PRKCB: variants seen among roughly 807,000 people sequenced by gnomAD.
PRKCB encodes protein kinase C beta type.
In PRKCB, 13 loss-of-function variants were observed where a neutral mutation model predicts 81.5. The observed-to-expected ratio is 0.16, with a 90% CI of 0.10 to 0.25. PRKCB has a LOEUF of 0.25. Among genes scored for constraint, PRKCB ranks in the 10% least tolerant of loss-of-function variants. PRKCB has a pLI of 1.00. For missense variants in PRKCB, 509 were observed against 875.7 expected (o/e 0.58, Z 5.29); for synonymous variants, 335 against 321.4 (o/e 1.04, Z -0.45).
At chr16:24,213,121 G>A (rs935871934) in intron 16 of PRKCB, among the ~76,000 whole-genome samples, 16 of 151,836 alleles carry the variant, frequency 1.1e-4, no homozygotes, top group Non-Finnish European at 1.6e-4. Flanking sequence ...TGCAACCTCC[G>A]CCTCCCGGGT....
At chr16:24,112,410 G>A (rs902709631) in intron 7 of PRKCB, among the ~76,000 whole-genome samples, 3 of 152,070 alleles carry the variant, frequency 2.0e-5, no homozygotes, top group African/African-American at 7.2e-5. Context: ...GGTGGCACAT[G>A]CCTATAGTCC....
rs140511947 is a variant in PRKCB at position 24,170,206 on chromosome 16, C to G, written c.1240-2064C>G. Among the ~76,000 whole-genome samples, 506 of 152,256 alleles carry G rather than the reference C, an allele frequency of 3.3e-3. 2 individuals carry two copies. Among genetic ancestry groups the G allele is most frequent in the African/African-American group, 0.012 (479 of 41,538 alleles). On this transcript the variant is annotated intron_variant, in intron 10 of 16. Transcript: ENST00000643927. Reference sequence around the variant, plus strand: ...TTGGTTTTGTTCACTGCTCTATCCTCAGCACCCATCTATAACCTGGTACCT... The same window carrying G: ...TTGGTTTTGTTCACTGCTCTATCCTGAGCACCCATCTATAACCTGGTACCT...
At chr16:23,903,272 TG>T (rs1963511158) in intron 2 of PRKCB, among the ~76,000 whole-genome samples, 2 of 151,978 alleles carry the variant, frequency 1.3e-5, no homozygotes, top group Non-Finnish European at 2.9e-5. Context: ...TGTGTGTGTG[TG>T]TGTGTGTGTG....
At chr16:24,209,229 C>T (rs899295503) in intron 16 of PRKCB, among the ~76,000 whole-genome samples, 8 of 152,152 alleles carry the variant, frequency 5.3e-5, no homozygotes, top group African/African-American at 1.9e-4. Context: ...AAAACACGCA[C>T]GGGTCTGCCT....
chr16:24,140,505 A>G (rs1966888171), intron 9 of PRKCB, among the ~76,000 whole-genome samples: 1 of 152,130 alleles, frequency 6.6e-6, no homozygotes, highest in African/African-American at 2.4e-5. Flanking sequence ...TTTCCAAGAT[A>G]GTTTGGCAGG....
At chr16:23,864,262 G>T (rs978849092) in intron 2 of PRKCB, among the ~76,000 whole-genome samples, 1 of 152,156 alleles carries the variant, frequency 6.6e-6, no homozygotes, top group African/African-American at 2.4e-5. Context: ...GCTTATTGCT[G>T]TATTGCTAGA....
At chr16:23,998,844 C>T (rs1038400947) in intron 3 of PRKCB, among the ~76,000 whole-genome samples, 2 of 152,174 alleles carry the variant, frequency 1.3e-5, no homozygotes, top group African/African-American at 4.8e-5. Flanking sequence ...ACCTGGCAGT[C>T]CTTCCTAGAA....
At chr16:24,099,234 T>C (rs1259688142) in intron 7 of PRKCB, 1 of 152,244 alleles carries the variant, frequency 6.6e-6, no homozygotes, top group Admixed American at 6.5e-5. Flanking sequence ...TTATTTCTTT[T>C]CTATAATGGA....
At chr16:24,096,666 AATATATATATATATATAT>A (rs58341820) in intron 7 of PRKCB, among the ~76,000 whole-genome samples, 862 of 32,734 alleles carry the variant, frequency 0.026, 44 homozygotes, top group African/African-American at 0.081. Context: ...AAAAAAAAAA[AATATATATATATATATAT>A]ATATATATAT....
intron 2 of PRKCB, among the ~76,000 whole-genome samples, chr16:23,909,142 G>T (rs578061789): frequency 6.6e-6 from 1 of 152,128 alleles, no homozygotes; most frequent in Admixed American, 6.5e-5. Context: ...TTCATGATTC[G>T]CTTCCTTGTT....
intron 2 of PRKCB, among the ~76,000 whole-genome samples, chr16:23,844,936 C>T (rs761793665): frequency 2.0e-5 from 3 of 149,632 alleles, no homozygotes; most frequent in African/African-American, 4.9e-5. Context: ...CAAGTAGCTG[C>T]GATTACAGGT....
At chr16:24,051,383 G>A (rs887966918) in intron 5 of PRKCB, among the ~76,000 whole-genome samples, 9 of 152,232 alleles carry the variant, frequency 5.9e-5, no homozygotes, top group Admixed American at 3.3e-4. Flanking sequence ...TTTTACCTGG[G>A]GTAATTAGCA....
chr16:24,104,150 G>A (rs1449851879), intron 7 of PRKCB, among the ~76,000 whole-genome samples: 1 of 152,162 alleles, frequency 6.6e-6, no homozygotes, highest in Non-Finnish European at 1.5e-5. Context: ...TTGTTTGCTT[G>A]AGCTAAATGT....
intron 5 of PRKCB, among the ~76,000 whole-genome samples, chr16:24,092,393 A>T (rs937544014): frequency 6.6e-6 from 1 of 152,244 alleles, no homozygotes; most frequent in African/African-American, 2.4e-5. Flanking sequence ...AAAATGTGGG[A>T]TATCTATACA....
At chr16:23,985,175 T>C (rs1313968582) in intron 2 of PRKCB, among the ~76,000 whole-genome samples, 1 of 152,160 alleles carries the variant, frequency 6.6e-6, no homozygotes, top group African/African-American at 2.4e-5. Flanking sequence ...CACTTCAACC[T>C]CCGCCTCCTG....
intron 3 of PRKCB, among the ~76,000 whole-genome samples, chr16:24,014,343 TCC>T (rs1214227896): frequency 1.3e-5 from 2 of 152,076 alleles, no homozygotes; most frequent in African/African-American, 4.8e-5. Flanking sequence ...GTGGGTGTGA[TCC>T]GTTGCCATGT....
intron 2 of PRKCB, among the ~76,000 whole-genome samples, chr16:23,877,046 G>A (rs1963026099): frequency 6.6e-6 from 1 of 152,108 alleles, no homozygotes; most frequent in Non-Finnish European, 1.5e-5. Context: ...GCTTTAGAAA[G>A]TCCTGAAACC....
rs1200199471 is a variant in PRKCB, at chr16:24,216,224, GA to G, written c.*1409del. On this transcript the variant is annotated 3_prime_UTR_variant, in exon 17 of 17. Coordinates refer to ENST00000643927, the MANE Select transcript of PRKCB (RefSeq NM_002738.7). ...GTGGGATGACCTGGCCAGAGCCAAC[GA>G]GGATACTGGAGCCCAAAGTCAAGTT... is the stretch of plus-strand genomic sequence containing the variant. The G allele has an allele frequency of 2.0e-6, 2 of 985,294 alleles. No individual in the cohort carries two copies. Among genetic ancestry groups the G allele is most frequent in the African/African-American group, 3.5e-5 (2 of 57,234 alleles). The allele number at this position is 985,294 out of a possible 1,614,324, so 61.0% of individuals were successfully genotyped here.
At chr16:24,061,930 A>AAAAAAAAAAC (rs1567361049) in intron 5 of PRKCB, among the ~76,000 whole-genome samples, 2 of 146,498 alleles carry the variant, frequency 1.4e-5, no homozygotes, top group African/African-American at 5.0e-5. Flanking sequence ...AAAAAAAAAA[A>AAAAAAAAAAC]AAACTTGAGG....
Sources: gnomAD v4.1 joint callset for allele counts (sites outside exome capture counted in the v4.1 genomes callset) on GRCh38, gnomAD v4.1.1 for gene constraint, MANE v1.5 for transcripts, NCBI Gene and HGNC (gene_info 2026-07-23, HGNC 2026-07-21) for gene names.